Variants in LYST observed in about 807,000 individuals in gnomAD.
The protein encoded by LYST is lysosomal trafficking regulator.
LYST carries 192 observed loss-of-function variants against 413.6 expected under a neutral mutation model. The observed-to-expected ratio is 0.46, with a 90% CI of 0.41 to 0.52. The LOEUF (loss-of-function observed/expected upper bound fraction) is 0.52. Among genes scored for constraint, LYST ranks in the 20% least tolerant of loss-of-function variants. The pLI, the probability that LYST is intolerant of heterozygous loss-of-function variation, is 0.00. For missense variants in LYST, 3,815 were observed against 4,499.9 expected, an observed-to-expected ratio of 0.85 and a Z score of 4.35; for synonymous variants, 1,525 against 1,567.3, an observed-to-expected ratio of 0.97 and a Z score of 0.64.
intron 1 of LYST, among the ~76,000 whole-genome samples, chr1:235,876,756 T>C (rs1251795460): frequency 6.6e-6 from 1 of 152,190 alleles, no homozygotes. Flanking sequence ...CATAAGCTAA[T>C]TTGAGAGGCA....
At chr1:235,683,572 T>C (rs1659993937) in intron 48 of LYST, among the ~76,000 whole-genome samples, 1 of 152,188 alleles carries the variant, frequency 6.6e-6, no homozygotes, top group South Asian at 2.1e-4. Context: ...CAACAGAAAC[T>C]TACGGTGCTC....
intron 10 of LYST, among the ~76,000 whole-genome samples, chr1:235,799,306 G>T (rs1282325386): frequency 6.6e-6 from 1 of 152,002 alleles, no homozygotes; most frequent in Non-Finnish European, 1.5e-5. Context: ...GTGGATGAAA[G>T]AATGAGAAAA....
chr1:235,730,833 T>C lies in LYST; in HGVS notation c.9044+14A>G. 6.8e-7 allele frequency: 1 copy of C among 1,465,950 alleles called. No homozygotes were observed. The highest frequency in any genetic ancestry group is 1.1e-5 in the South Asian group (1 of 87,882). The allele number at this position is 1,465,950 out of a possible 1,614,324, so 90.8% of individuals were successfully genotyped here. A position where few individuals can be genotyped will look rare whatever the true frequency, so the allele number is the denominator to read the frequency against. On this transcript the variant is annotated intron_variant, in intron 36 of 52. Transcript: ENST00000389793. ...TATTCATGAAAGAGTGAAGGTCTAT[T>C]GATTCAAAGTTACCTTATAGATTCA...
intron 12 of LYST, among the ~76,000 whole-genome samples, chr1:235,790,764 T>C (rs1670895269): frequency 6.6e-6 from 1 of 152,106 alleles, no homozygotes; most frequent in African/African-American, 2.4e-5. Context: ...CCTAGTCATA[T>C]GAGAAACAAG....
intron 1 of LYST, among the ~76,000 whole-genome samples, chr1:235,847,452 T>C (rs573828619): frequency 8.6e-5 from 13 of 152,028 alleles, no homozygotes; most frequent in Non-Finnish European, 1.8e-4. Context: ...ACAGGGCCTA[T>C]AGAACAAAAA....
chr1:235,737,959 GC>G, intron 31 of LYST: 4 of 1,300,238 alleles, frequency 3.1e-6, no homozygotes, highest in Admixed American at 3.4e-5. Context: ...CGCCGGACGT[GC>G]ATTCTCGATT....
At chr1:235,844,753 G>A (rs1677596715) in intron 1 of LYST, among the ~76,000 whole-genome samples, 1 of 151,360 alleles carries the variant, frequency 6.6e-6, no homozygotes, top group Admixed American at 6.6e-5. Context: ...ACTGGTGGGG[G>A]GAAGGGGACC....
intron 12 of LYST, among the ~76,000 whole-genome samples, chr1:235,789,155 GCTT>G (rs1352317783): frequency 6.6e-6 from 1 of 152,102 alleles, no homozygotes; most frequent in Non-Finnish European, 1.5e-5. Flanking sequence ...TGTGTACCAA[GCTT>G]CTTTTATCAA....
intron 1 of LYST, among the ~76,000 whole-genome samples, chr1:235,856,940 A>ATTTT (rs59484092): frequency 8.2e-6 from 1 of 121,774 alleles, no homozygotes; most frequent in Non-Finnish European, 1.6e-5. Context: ...GGATATACTG[A>ATTTT]TTTTTTTTTT....
intron 25 of LYST, among the ~76,000 whole-genome samples, chr1:235,753,895 A>G (rs969901993): frequency 6.6e-6 from 1 of 152,182 alleles, no homozygotes. Flanking sequence ...TACCATAACA[A>G]TTTAGTAAAT....
chr1:235,869,820 T>C (rs750206977), upstream of LYST, among the ~76,000 whole-genome samples: 1 of 151,432 alleles, frequency 6.6e-6, no homozygotes, highest in Non-Finnish European at 1.5e-5. Flanking sequence ...CCTCAAAACT[T>C]CGTCTCTTTC....
chr1:235,734,581 T>C lies in LYST; in HGVS notation c.8437A>G (p.Thr2813Ala). 6.2e-7 allele frequency: 1 copy of C among 1,613,324 alleles called. No homozygotes were observed. Among genetic ancestry groups the C allele is most frequent in the African/African-American group, 1.3e-5 (1 of 75,050 alleles). ...AAAGCATTCATAAGCAGTTCTGCTG[T>C]GCCTAGCTCTTCTTCAGTCAATTCA... ...QGELTEEELG[T>A]AELLMNALKL... The change falls in exon 32 of 53, where the codon ACA (threonine) becomes GCA (alanine). Residue 2813 changes from threonine (T) to alanine (A), a missense_variant. Coordinates refer to ENST00000389793, the MANE Select transcript of LYST (RefSeq NM_000081.4).
intron 1 of LYST, among the ~76,000 whole-genome samples, chr1:235,849,575 C>T (rs1276380673): frequency 6.6e-6 from 1 of 152,000 alleles, no homozygotes; most frequent in Non-Finnish European, 1.5e-5. Context: ...GGAAGTCAAA[C>T]TTTCACTGTT....
intron 46 of LYST, among the ~76,000 whole-genome samples, chr1:235,696,343 AGCAGTGCTGGCT>A (rs1403767254): frequency 6.6e-6 from 1 of 152,264 alleles, no homozygotes; most frequent in African/African-American, 2.4e-5. Context: ...GGTAATTGCC[AGCAGTGCTGGCT>A]GCTAACAGGC....
Position 235,810,301 on chromosome 1 carries a change from C to G in LYST, c.517G>C (p.Asp173His), listed in dbSNP as rs779915650. The G allele has an allele frequency of 1.1e-5, 18 of 1,614,114 alleles. No individual in the cohort carries two copies. Among genetic ancestry groups the G allele is most frequent in the South Asian group, 1.1e-5 (1 of 91,086 alleles). Residue 173 changes from aspartate to histidine, a missense_variant, in exon 5 of 53, where the codon GAT becomes CAT. Coordinates refer to ENST00000389793, the MANE Select transcript of LYST (RefSeq NM_000081.4). The stretch of plus-strand genomic sequence containing the variant: ...TTATTCATTGCTATGCCTTTTTCAT[C>G]TGAATTGGCTTCTGAATCTGAGGTG... Reference protein sequence around the residue: ...LSTSDSEANSDEKGIAMNKHR... With the variant: ...LSTSDSEANSHEKGIAMNKHR...
chr1:235,720,099 C>T (rs1477592082), intron 40 of LYST, among the ~76,000 whole-genome samples: 3 of 134,274 alleles, frequency 2.2e-5, no homozygotes, highest in East Asian at 2.4e-4. Context: ...CGCTTGAACC[C>T]GGGAGGCAGA....
chr1:235,735,382 A>T (rs1234201403), intron 31 of LYST: 2 of 152,160 alleles, frequency 1.3e-5, no homozygotes, highest in Non-Finnish European at 2.9e-5. Context: ...CTATGTATGT[A>T]TCCATGGCAG....
chr1:235,785,592 A>C (rs569252088), intron 14 of LYST, among the ~76,000 whole-genome samples: 17 of 152,312 alleles, frequency 1.1e-4, no homozygotes, highest in East Asian at 9.6e-4. Context: ...ACCTAGCAAA[A>C]GGTCTGCAAC....
intron 40 of LYST, 48 bp from the exon 41 acceptor site, chr1:235,716,826 A>C: frequency 9.1e-7 from 1 of 1,098,920 alleles, no homozygotes; most frequent in South Asian, 1.3e-5. Flanking sequence ...GATACTGTCA[A>C]GATTAAGCTC....
Sources: gnomAD v4.1 joint callset for allele counts (sites outside exome capture counted in the v4.1 genomes callset) on GRCh38, gnomAD v4.1.1 for gene constraint, MANE v1.5 for transcripts, NCBI Gene and HGNC (gene_info 2026-07-23, HGNC 2026-07-21) for gene names.